The following FUS variants were observed in gnomAD, a reference collection of about 807,000 sequenced individuals.
FUS encodes the protein RNA-binding protein FUS.
FUS carries 5 observed loss-of-function variants against 82.7 expected under a neutral mutation model. That is an observed-to-expected ratio of 0.06 (90% CI 0.03 to 0.13). The LOEUF (loss-of-function observed/expected upper bound fraction) is 0.13. Ranked by LOEUF, FUS falls within the 10% of genes least tolerant of loss-of-function variation. The probability of loss-of-function intolerance (pLI) is 1.00; values close to 1 mark genes in which losing one functional copy is unlikely to be tolerated. For missense variants in FUS, 512 were observed against 707.8 expected (o/e 0.72, Z 3.14); for synonymous variants, 281 against 247.4 (o/e 1.14, Z -1.27).
downstream of FUS, chr16:31,193,220 A>C: frequency 2.0e-6 from 1 of 496,220 alleles, no homozygotes; most frequent in South Asian, 1.5e-5. Flanking sequence ...ATGACTTTTA[A>C]GAGGAATAGC....
downstream of FUS, chr16:31,194,117 CT>C: frequency 3.8e-6 from 2 of 533,040 alleles, no homozygotes; most frequent in Non-Finnish European, 7.3e-6. Flanking sequence ...GCCCTTTCAG[CT>C]TTTTTCCCCA....
intron 3 of FUS, 95 bp from the exon 4 acceptor site, chr16:31,183,763 C>G: frequency 6.7e-7 from 1 of 1,484,582 alleles, no homozygotes; most frequent in Non-Finnish European, 9.4e-7. Context: ...GAGAGGCTGG[C>G]TTTATGAGTA....
intron 5 of FUS, 115 bp downstream of exon 5, chr16:31,184,511 T>A: frequency 9.4e-7 from 1 of 1,058,304 alleles, no homozygotes; most frequent in Non-Finnish European, 1.4e-6. Context: ...TGGCACAATC[T>A]CGGCTCACTG....
downstream of FUS, chr16:31,192,292 A>G (rs1457573654): frequency 1.7e-5 from 9 of 526,628 alleles, no homozygotes; most frequent in East Asian, 3.2e-4. Flanking sequence ...GATAAGTGAT[A>G]AGAGGGGGAA....
intron 6 of FUS, chr16:31,185,681 T>C: frequency 1.4e-5 from 6 of 442,386 alleles, no homozygotes; most frequent in South Asian, 1.0e-4. Context: ...TTTGCACTAA[T>C]TTGACCGACA....
At chr16:31,187,882 G>A (rs1254542644) in intron 7 of FUS, 3 of 263,012 alleles carry the variant, frequency 1.1e-5, no homozygotes, top group Non-Finnish European at 2.2e-5. Flanking sequence ...GTTCCACAAG[G>A]GTTAAGTGTC....
chr16:31,192,173 G>A (rs746461190), downstream of FUS: 12 of 528,738 alleles, frequency 2.3e-5, no homozygotes, highest in South Asian at 1.7e-4. Context: ...GTCTGGCTGG[G>A]TTACTTTCAC....
At chr16:31,188,170 A>G in intron 7 of FUS, 155 bp from the exon 8 acceptor site, 1 of 761,338 alleles carries the variant, frequency 1.3e-6, no homozygotes, top group Non-Finnish European at 2.1e-6. Context: ...GACCCAGGAA[A>G]GGGTTTGGAG....
downstream of FUS, chr16:31,192,404 C>G (rs997922662): frequency 2.6e-4 from 134 of 522,806 alleles, no homozygotes; most frequent in Non-Finnish European, 3.4e-4. Context: ...ATTTAGCATG[C>G]TTTTTATTTT....
downstream of FUS, chr16:31,192,157 A>C (rs1230952300): frequency 1.9e-6 from 1 of 529,214 alleles, no homozygotes; most frequent in Non-Finnish European, 3.7e-6. Context: ...TGCTATAAGG[A>C]GACTGGTCTG....
chr16:31,182,101 C>T (rs1210929344), intron 1 of FUS: 4 of 415,196 alleles, frequency 9.6e-6, no homozygotes, highest in Admixed American at 7.2e-5. Flanking sequence ...AGCGATTCTC[C>T]TGCTTCACCT....
chr16:31,182,270 C>CATG lies in FUS; in HGVS notation c.14-125_14-123dup, dbSNP rs776013377. On this transcript the variant is annotated intron_variant, in intron 1 of 14. Transcript: ENST00000254108. ...CCTCCCAAACTGCTGGGATTACAGGCATGATCCACCGTGCCTGGCCTACGT... is the reference window on the plus strand; with the variant it reads ...CCTCCCAAACTGCTGGGATTACAGGCATGATGATCCACCGTGCCTGGCCTACGT... 7.2e-6 allele frequency: 8 copies of CATG among 1,109,310 alleles called. No individual in the cohort carries two copies. The Admixed American group carries it at 1.2e-4, about 17-fold the overall frequency. The allele number at this position is 1,109,310 out of a possible 1,614,324, so 68.7% of individuals were successfully genotyped here.
chr16:31,181,296 C>CAAAA (rs1296504669), intron 1 of FUS, among the ~76,000 whole-genome samples: 29 of 152,342 alleles, frequency 1.9e-4, no homozygotes, highest in African/African-American at 7.0e-4. Context: ...TTTCCCTTTT[C>CAAAA]CTGCGGGGGA....
In FUS at chr16:31,186,793, C is replaced by T; in HGVS notation, c.765-9C>T. On this transcript the variant is annotated splice_polypyrimidine_tract_variant and intron_variant, in intron 6 of 14. Transcript: ENST00000254108. ...CTTCATGTCCTTTCTTCTAACTTGTCTTCTCCAGCGGAAGTGACCGTGGTG... is the reference window on the plus strand; with the variant it reads ...CTTCATGTCCTTTCTTCTAACTTGTTTTCTCCAGCGGAAGTGACCGTGGTG... The T allele has an allele frequency of 6.2e-7, 1 of 1,614,066 alleles. No individual in the cohort carries two copies. Among genetic ancestry groups the T allele is most frequent in the Non-Finnish European group, 8.5e-7 (1 of 1,179,882 alleles).
intron 12 of FUS, 24 bp from the exon 13 acceptor site, chr16:31,190,718 C>A (rs760878723): frequency 6.2e-7 from 1 of 1,602,368 alleles, no homozygotes; most frequent in African/African-American, 1.3e-5. Flanking sequence ...TCGCTCCAGA[C>A]TGATTGTCTT....
intron 1 of FUS, among the ~76,000 whole-genome samples, chr16:31,180,731 G>A (rs1046902279): frequency 1.3e-5 from 2 of 152,174 alleles, no homozygotes; most frequent in Non-Finnish European, 1.5e-5. Context: ...TCCGGTGTGA[G>A]CCTTGTCCCT....
chr16:31,194,764 A>G (rs764640660), downstream of FUS: 1 of 482,908 alleles, frequency 2.1e-6, no homozygotes, highest in South Asian at 1.5e-5. Flanking sequence ...GAAAATTTTG[A>G]AATTTATGTT....
chr16:31,191,589 T>G lies in FUS; in HGVS notation c.*151T>G. 1.1e-6 allele frequency: 1 copy of G among 869,666 alleles called. No homozygotes were observed. The highest frequency in any genetic ancestry group is 2.6e-5 in the East Asian group (1 of 38,148). 53.9% of individuals were successfully genotyped at this position (869,666 alleles called of 1,614,324 possible). A position where few individuals can be genotyped will look rare whatever the true frequency, so the allele number is the denominator to read the frequency against. On this transcript the variant is annotated 3_prime_UTR_variant, in exon 15 of 15. Coordinates refer to ENST00000254108, the MANE Select transcript of FUS (RefSeq NM_004960.4). Reference sequence around the variant, plus strand: ...CTATACCTCTGGTTCCCATTAAAAGTGACCATTTTAGTTAAATTTTGTTCC... The same window carrying G: ...CTATACCTCTGGTTCCCATTAAAAGGGACCATTTTAGTTAAATTTTGTTCC...
chr16:31,180,524 A>T (rs1009632005), intron 1 of FUS, among the ~76,000 whole-genome samples: 1 of 152,124 alleles, frequency 6.6e-6, no homozygotes, highest in East Asian at 1.9e-4. Flanking sequence ...GAAAACGCCC[A>T]TTCTCCGTGG....
Sources: allele counts gnomAD v4.1 joint callset (sites outside exome capture counted in the v4.1 genomes callset), GRCh38; gene constraint gnomAD v4.1.1; transcripts MANE v1.5; gene names NCBI Gene and HGNC (gene_info 2026-07-23, HGNC 2026-07-21).